The following SPIDR variants were observed in gnomAD, a reference collection of about 807,000 sequenced individuals.
SPIDR encodes the protein DNA repair-scaffolding protein.
In SPIDR, 93 loss-of-function variants were observed where a neutral mutation model predicts 104.6. The observed-to-expected ratio is 0.89, with a 90% CI of 0.75 to 1.06. The LOEUF (loss-of-function observed/expected upper bound fraction) is 1.06, where lower values mean the gene tolerates loss of function less well. Among genes scored for constraint, SPIDR ranks in the 50% least tolerant of loss-of-function variants. The probability of loss-of-function intolerance (pLI) is 0.00; values close to 1 mark genes in which losing one functional copy is unlikely to be tolerated. For missense variants in SPIDR, 1,154 were observed against 1,111.2 expected, an observed-to-expected ratio of 1.04 and a Z score of -0.55; for synonymous variants, 431 against 416.9, an observed-to-expected ratio of 1.03 and a Z score of -0.41.
intron 10 of SPIDR, among the ~76,000 whole-genome samples, chr8:47,624,675 A>G (rs1193597360): frequency 1.3e-5 from 2 of 152,202 alleles, no homozygotes; most frequent in African/African-American, 4.8e-5. Flanking sequence ...CATCCTCCCA[A>G]GACTAAACCA....
intron 8 of SPIDR, among the ~76,000 whole-genome samples, chr8:47,510,548 C>A (rs1321495254): frequency 3.4e-5 from 5 of 148,654 alleles, no homozygotes; most frequent in African/African-American, 9.9e-5. Flanking sequence ...TATGAAAGAT[C>A]ATAATATATT....
At chr8:47,397,051 A>G (rs782209418) in intron 6 of SPIDR, among the ~76,000 whole-genome samples, 2 of 152,160 alleles carry the variant, frequency 1.3e-5, no homozygotes, top group Non-Finnish European at 2.9e-5. Context: ...TGTGCCATGA[A>G]CTACAGTGTC....
chr8:47,723,870 C>CT (rs571212150), intron 16 of SPIDR, among the ~76,000 whole-genome samples: 25 of 149,600 alleles, frequency 1.7e-4, no homozygotes, highest in African/African-American at 2.4e-4. Context: ...TTCCTGATTT[C>CT]TTTTTTTTTT....
rs574526337 is a variant in SPIDR at position 47,568,280 on chromosome 8, G to A, written c.1098-27531G>A. ...GTTTATCTGTAAAATGGAGATCTTC[G>A]TAATACACTTCTTTATAGGGCCAAT... On this transcript the variant is annotated intron_variant, in intron 8 of 19. Transcript: ENST00000297423. Among the ~76,000 whole-genome samples, 18 of 152,168 alleles carry A rather than the reference G, an allele frequency of 1.2e-4. No homozygotes were observed. The South Asian group carries it at 1.9e-3, about 16-fold the overall frequency.
In SPIDR at chr8:47,538,857, C is replaced by CTT. The variant is rs1161571829; in HGVS notation, c.1098-56934_1098-56933dup. ...GTTTTGGTTTTGCCTTTTTTCTTTT[C>CTT]TTTTTTTTTTTTTTTTTTTTTGAGA... On this transcript the variant is annotated intron_variant, in intron 8 of 19. Transcript: ENST00000297423. Among the ~76,000 whole-genome samples, 215 of 100,790 alleles carry CTT rather than the reference C, an allele frequency of 2.1e-3. 1 individual carries two copies. The highest frequency in any genetic ancestry group is 6.8e-3 in the Middle Eastern group (1 of 148). The allele number at this position is 100,790 out of a possible 152,430, so 66.1% of individuals were successfully genotyped here.
chr8:47,339,657 G>A (rs2050361985), intron 5 of SPIDR, among the ~76,000 whole-genome samples: 1 of 151,212 alleles, frequency 6.6e-6, no homozygotes, highest in South Asian at 2.1e-4. Flanking sequence ...TACATGTTGA[G>A]CATAACATAA....
intron 5 of SPIDR, among the ~76,000 whole-genome samples, chr8:47,387,226 C>T (rs535738106): frequency 2.0e-5 from 3 of 152,184 alleles, no homozygotes; most frequent in Non-Finnish European, 4.4e-5. Context: ...AGCGAGGAGG[C>T]AGACAGCTAT....
In SPIDR at chr8:47,676,189, C is replaced by T. The variant is rs561339789; in HGVS notation, c.1685+2248C>T. Among the ~76,000 whole-genome samples, 39 of 152,286 alleles carry T rather than the reference C, an allele frequency of 2.6e-4. 1 individual carries two copies. The South Asian group carries it at 5.8e-3, about 23-fold the overall frequency. On this transcript the variant is annotated intron_variant, in intron 11 of 19. Transcript: ENST00000297423. Reference sequence around the variant, plus strand: ...TTGTGGTTGGCACTAGAAGCCTAACCGTCTGTAACATTTACATGGGAAATG... The same window carrying T: ...TTGTGGTTGGCACTAGAAGCCTAACTGTCTGTAACATTTACATGGGAAATG...
At chr8:47,449,344 G>C (rs1190031647) in intron 8 of SPIDR, among the ~76,000 whole-genome samples, 1 of 152,162 alleles carries the variant, frequency 6.6e-6, no homozygotes. Flanking sequence ...TTAGAGCCTA[G>C]AGTAAAAACA....
intron 5 of SPIDR, among the ~76,000 whole-genome samples, chr8:47,303,533 C>T (rs2042602009): frequency 6.6e-6 from 1 of 152,210 alleles, no homozygotes; most frequent in Admixed American, 6.5e-5. Flanking sequence ...TCTTCTGCGT[C>T]ACTCACGCTG....
At chr8:47,552,023 T>A (rs1424158792) in intron 8 of SPIDR, among the ~76,000 whole-genome samples, 3 of 152,220 alleles carry the variant, frequency 2.0e-5, no homozygotes, top group Non-Finnish European at 4.4e-5. Context: ...TTCATTTCGT[T>A]ATGTACCCAG....
chr8:47,299,484 T>C lies in SPIDR; in HGVS notation c.525+5454T>C, dbSNP rs1554575518. Among the ~76,000 whole-genome samples, 726 of 152,256 alleles carry C rather than the reference T, an allele frequency of 4.8e-3. 5 individuals are homozygous for C. Among genetic ancestry groups the C allele is most frequent in the African/African-American group, 0.016 (683 of 41,540 alleles). ...TTGCCCTGGCCAGAACTTCCAACAC[T>C]ATGTTGAATAGGAGTGGTGAGAGAG... On this transcript the variant is annotated intron_variant, in intron 5 of 19. Transcript: ENST00000297423.
At chr8:47,268,702 C>T (rs2034607175) in intron 1 of SPIDR, among the ~76,000 whole-genome samples, 1 of 152,106 alleles carries the variant, frequency 6.6e-6, no homozygotes, top group African/African-American at 2.4e-5. Context: ...AAGGGATGCT[C>T]CTGTTTTGGC....
At chr8:47,272,867 G>A (rs1276662515) in intron 1 of SPIDR, among the ~76,000 whole-genome samples, 9 of 152,080 alleles carry the variant, frequency 5.9e-5, no homozygotes, top group Non-Finnish European at 1.2e-4. Context: ...GGCTTCTTTA[G>A]GTATTATAAT....
intron 6 of SPIDR, among the ~76,000 whole-genome samples, chr8:47,403,661 C>T (rs1429070747): frequency 6.6e-6 from 1 of 152,156 alleles, no homozygotes; most frequent in African/African-American, 2.4e-5. Flanking sequence ...TGAAGGACCT[C>T]TTCAAGGAGA....
At chr8:47,323,061 G>T (rs538532926) in intron 5 of SPIDR, among the ~76,000 whole-genome samples, 2 of 151,272 alleles carry the variant, frequency 1.3e-5, no homozygotes, top group Non-Finnish European at 2.9e-5. Context: ...CACATTGTGC[G>T]CATGTACCCG....
At chr8:47,445,217 C>G (rs1225311552) in intron 8 of SPIDR, among the ~76,000 whole-genome samples, 1 of 152,218 alleles carries the variant, frequency 6.6e-6, no homozygotes, top group Non-Finnish European at 1.5e-5. Flanking sequence ...TGCCATTTTT[C>G]TAACAGCATG....
intron 9 of SPIDR, among the ~76,000 whole-genome samples, chr8:47,598,450 A>T (rs991636121): frequency 6.6e-6 from 1 of 152,230 alleles, no homozygotes; most frequent in Non-Finnish European, 1.5e-5. Flanking sequence ...TTGTTTTATT[A>T]TGACAGCTGA....
chr8:47,379,044 G>T (rs781934761), intron 5 of SPIDR, among the ~76,000 whole-genome samples: 3 of 152,128 alleles, frequency 2.0e-5, no homozygotes, highest in Non-Finnish European at 4.4e-5. Flanking sequence ...GAAGGGGCTC[G>T]TGGCTTTGGC....
Sources: allele counts gnomAD v4.1 joint callset (sites outside exome capture counted in the v4.1 genomes callset), GRCh38; gene constraint gnomAD v4.1.1; transcripts MANE v1.5; gene names NCBI Gene and HGNC (gene_info 2026-07-23, HGNC 2026-07-21).